Variants in PSORS1C1 observed in about 807,000 individuals in gnomAD.
The protein encoded by PSORS1C1 is psoriasis susceptibility 1 candidate gene 1 protein.
A neutral mutation model predicts 9.4 loss-of-function variants in PSORS1C1; 7 were observed. That is an observed-to-expected ratio of 0.75 (90% confidence interval 0.42 to 1.40). The LOEUF is 1.40. Among genes scored for constraint, PSORS1C1 ranks in the 40% most tolerant of loss-of-function variants. PSORS1C1 has a pLI of 0.01. For synonymous variants in PSORS1C1, 63 were observed against 69.4 expected, an observed-to-expected ratio of 0.91 and a Z score of 0.46; for missense variants, 146 against 178.1, an observed-to-expected ratio of 0.82 and a Z score of 1.02.
chr6:31,130,343 C>G lies in PSORS1C1; in HGVS notation c.13+698C>G, dbSNP rs189200538. ...TCATATCTCACTCCAGCTTCAACCT[C>G]TCATGCTCAGGTGATCTTCCTGCTG... On this transcript the variant is annotated intron_variant, in intron 3 of 5. Coordinates refer to ENST00000259881, the MANE Select transcript of PSORS1C1 (RefSeq NM_014068.3). Among the ~76,000 whole-genome samples, 442 of 151,866 alleles carry G rather than the reference C, an allele frequency of 2.9e-3. 1 individual carries two copies. Among genetic ancestry groups the G allele is most frequent in the African/African-American group, 8.9e-3 (367 of 41,392 alleles).
At position 31,120,432 on chromosome 6, in the gene PSORS1C1, G is replaced by A. The variant is rs200160014; in HGVS notation, c.-228-5244G>A. On this transcript the variant is annotated intron_variant, in intron 1 of 5. Coordinates refer to ENST00000259881, the MANE Select transcript of PSORS1C1 (RefSeq NM_014068.3). ...GAGACGAGCCCATCTCGGACTGCAC[G>A]GCCTCCTGACTGATGGCAGCTCAAG... is the stretch of plus-strand genomic sequence containing the variant. The A allele has an allele frequency of 4.6e-4, 717 of 1,568,158 alleles. 2 individuals are homozygous for A. In the African/African-American group the frequency reaches 7.2e-3, roughly 16 times the overall value.
chr6:31,126,908 C>A (rs1477941967), intron 2 of PSORS1C1, among the ~76,000 whole-genome samples: 1 of 152,204 alleles, frequency 6.6e-6, no homozygotes, highest in African/African-American at 2.4e-5. Flanking sequence ...CCCCTCTTAT[C>A]TTGCGAGGAG....
chr6:31,139,929 C>G lies in PSORS1C1; in HGVS notation c.456C>G (p.Ile152Met). ...SHSPFGLSSL[I>M] Reference sequence around the variant, plus strand: ...CTCCTTTTGGTCTCAGCTCCTTGATCTAAGCCTCCCAGAGAGACCCCTAGA... The same window carrying G: ...CTCCTTTTGGTCTCAGCTCCTTGATGTAAGCCTCCCAGAGAGACCCCTAGA... Residue 152 changes from isoleucine to methionine, a missense_variant, in exon 6 of 6, where the codon ATC (isoleucine) becomes ATG (methionine). By Grantham distance (10) the Ile-to-Met change is conservative. Transcript: ENST00000259881. The surrounding 1 kb of genome is among the most constrained non-coding windows in gnomAD (Gnocchi z 5.2). The G allele has an allele frequency of 6.2e-7, 1 of 1,609,312 alleles. No individual in the cohort carries two copies. Among genetic ancestry groups the G allele is most frequent in the Non-Finnish European group, 8.5e-7 (1 of 1,177,902 alleles).
rs773099711 is a variant in PSORS1C1 at position 31,117,511 on chromosome 6, A to G, written c.-229+2620A>G. The G allele has an allele frequency of 5.8e-6, 9 of 1,550,690 alleles. No individual in the cohort carries two copies. The Admixed American group carries it at 5.9e-5, about 10-fold the overall frequency. Reference sequence around the variant, plus strand: ...CTTACAAGGGTCTGAGAAGGTGCCAATGCTCTTAGCCAAGGTCCCTGTGGA... The same window carrying G: ...CTTACAAGGGTCTGAGAAGGTGCCAGTGCTCTTAGCCAAGGTCCCTGTGGA... On this transcript the variant is annotated intron_variant, in intron 1 of 5. Transcript: ENST00000259881.
chr6:31,115,240 C>T lies in PSORS1C1; in HGVS notation c.-229+349C>T, dbSNP rs1772043933. The T allele has an allele frequency of 4.0e-6, 1 of 249,986 alleles. No individual in the cohort carries two copies. The highest frequency in any genetic ancestry group is 2.3e-5 in the African/African-American group (1 of 44,032). 15.5% of individuals were successfully genotyped at this position (249,986 alleles called of 1,614,324 possible). ...ACCACCCAGACTCTCAGAGGAGACC[C>T]AGGACTCCAAGAAGGCAAAAAGTCT... On this transcript the variant is annotated intron_variant, in intron 1 of 5. Coordinates refer to ENST00000259881, the MANE Select transcript of PSORS1C1 (RefSeq NM_014068.3). The surrounding 1 kb of genome is among the most constrained non-coding windows in gnomAD (Gnocchi z 4.2).
At chr6:31,129,479 CAA>C (rs1302291523) in intron 2 of PSORS1C1, 88 bp from the exon 3 acceptor site, 8 of 681,976 alleles carry the variant, frequency 1.2e-5, no homozygotes, top group Non-Finnish European at 2.1e-5. Flanking sequence ...GTTTGAGTGC[CAA>C]AATCCACTGC....
chr6:31,117,283 C>A, intron 1 of PSORS1C1: 1 of 1,600,654 alleles, frequency 6.2e-7, no homozygotes, highest in East Asian at 2.2e-5. Context: ...CTGGGAATAC[C>A]CCGTTCCTGG....
intron 3 of PSORS1C1, among the ~76,000 whole-genome samples, chr6:31,137,153 AAAG>A (rs56036245): frequency 0.011 from 1,346 of 123,692 alleles, 8 homozygotes; most frequent in Middle Eastern, 0.1. Context: ...TCTAAAAAAA[AAAG>A]AAAGAAAAAG....
intron 1 of PSORS1C1, chr6:31,117,286 G>A (rs764311027): frequency 4.4e-5 from 70 of 1,598,412 alleles, no homozygotes; most frequent in South Asian, 1.8e-4. Flanking sequence ...GGAATACCCC[G>A]TTCCTGGCTT....
intron 3 of PSORS1C1, among the ~76,000 whole-genome samples, chr6:31,136,958 G>A (rs1173638045): frequency 1.3e-5 from 2 of 150,788 alleles, no homozygotes; most frequent in African/African-American, 4.9e-5. Flanking sequence ...AGACCAGCCT[G>A]GCCAACATGG....
intron 1 of PSORS1C1, chr6:31,116,922 G>C: frequency 6.2e-7 from 1 of 1,614,166 alleles, no homozygotes. Flanking sequence ...GCGAGACGAT[G>C]GGCCCTCCAC....
intron 1 of PSORS1C1, among the ~76,000 whole-genome samples, chr6:31,121,972 G>A (rs930106246): frequency 6.6e-6 from 1 of 152,208 alleles, no homozygotes; most frequent in African/African-American, 2.4e-5. Flanking sequence ...GAATGGGAGT[G>A]GGAGGAAAGA....
intron 1 of PSORS1C1, among the ~76,000 whole-genome samples, chr6:31,119,991 G>C (rs561755946): frequency 6.6e-6 from 1 of 152,108 alleles, no homozygotes; most frequent in Non-Finnish European, 1.5e-5. Flanking sequence ...CTCTAAAAAT[G>C]ATATTATTAC....
intron 1 of PSORS1C1, chr6:31,118,944 G>A (rs1174934676): frequency 1.3e-5 from 2 of 148,826 alleles, no homozygotes. Context: ...CTTGGTGCAA[G>A]CGATTCTCCT....
At chr6:31,117,510 A>G (rs920354881) in intron 1 of PSORS1C1, 2 of 1,550,752 alleles carry the variant, frequency 1.3e-6, no homozygotes, top group African/African-American at 2.7e-5. Context: ...AGAAGGTGCC[A>G]ATGCTCTTAG....
At chr6:31,124,751 C>A in intron 1 of PSORS1C1, among the ~76,000 whole-genome samples, 1 of 152,330 alleles carries the variant, frequency 6.6e-6, no homozygotes, top group Non-Finnish European at 1.5e-5. Flanking sequence ...AGGTGGATCA[C>A]TTGAGCTCAG....
At chr6:31,126,123 C>T (rs763895170) in intron 2 of PSORS1C1, among the ~76,000 whole-genome samples, 1 of 152,222 alleles carries the variant, frequency 6.6e-6, no homozygotes, top group Non-Finnish European at 1.5e-5. Context: ...TCATGCAACA[C>T]CCTGTGCAAT....
chr6:31,129,563 T>G lies in PSORS1C1; in HGVS notation c.-64-6T>G. The G allele has an allele frequency of 1.3e-6, 1 of 777,512 alleles. No homozygotes were observed. The highest frequency in any genetic ancestry group is 2.4e-6 in the Non-Finnish European group (1 of 417,014). The allele number at this position is 777,512 out of a possible 1,614,324, so 48.2% of individuals were successfully genotyped here. On this transcript the variant is annotated splice_polypyrimidine_tract_variant and splice_region_variant and intron_variant, in intron 2 of 5. Coordinates refer to ENST00000259881, the MANE Select transcript of PSORS1C1 (RefSeq NM_014068.3). The stretch of plus-strand genomic sequence containing the variant: ...CTCTTTCCCACTCACCTACCTGCCA[T>G]GTCAGCCTGGGAAGAATTGGTTTGC...
At chr6:31,119,419 G>A (rs1772344010) in intron 1 of PSORS1C1, among the ~76,000 whole-genome samples, 2 of 152,170 alleles carry the variant, frequency 1.3e-5, no homozygotes, top group African/African-American at 4.8e-5. Context: ...TTCCTCAAGG[G>A]CTATAAGTAC....
Sources: allele counts gnomAD v4.1 joint callset (sites outside exome capture counted in the v4.1 genomes callset), GRCh38; gene constraint gnomAD v4.1.1; non-coding constraint Gnocchi (gnomAD v3.1); transcripts MANE v1.5; gene names NCBI Gene and HGNC (gene_info 2026-07-23, HGNC 2026-07-21).